CARMIL1: variants seen among roughly 807,000 people sequenced by gnomAD.
CARMIL1 encodes the protein capping protein regulator and myosin 1 linker 1.
Under a neutral mutation model 177.1 loss-of-function variants are expected in CARMIL1, and 90 were observed. The ratio of observed to expected loss-of-function variants is 0.51; its 90% CI spans 0.43 to 0.61. The LOEUF (loss-of-function observed/expected upper bound fraction) is 0.61. Among genes scored for constraint, CARMIL1 ranks in the 20% least tolerant of loss-of-function variants. The pLI, the probability that CARMIL1 is intolerant of heterozygous loss-of-function variation, is 0.00. For missense variants in CARMIL1, 1,380 were observed against 1,667.0 expected (o/e 0.83, Z 3.00); for synonymous variants, 577 against 606.2 (o/e 0.95, Z 0.71).
chr6:25,345,108 A>G (rs1221114502), intron 2 of CARMIL1, among the ~76,000 whole-genome samples: 2 of 152,078 alleles, frequency 1.3e-5, no homozygotes, highest in South Asian at 2.1e-4. Flanking sequence ...CTTCACTGGC[A>G]TTGTGCTTTT....
Position 25,326,583 on chromosome 6 carries a change from C to G in CARMIL1, c.138+41674C>G, listed in dbSNP as rs1785123614. On this transcript the variant is annotated intron_variant, in intron 2 of 36. Coordinates refer to ENST00000329474, the MANE Select transcript of CARMIL1 (RefSeq NM_017640.6). The surrounding 1 kb of genome is among the most constrained non-coding windows in gnomAD (Gnocchi z 4.2). Reference sequence around the variant, plus strand: ...ATGACCTGGAAACCTGTAAGAAATGCATACTTCAAGTCTTATTATGGACTT... The same window carrying G: ...ATGACCTGGAAACCTGTAAGAAATGGATACTTCAAGTCTTATTATGGACTT... 6.6e-6 allele frequency among the ~76,000 whole-genome samples: 1 copy of G among 152,134 alleles called. No individual in the cohort carries two copies. The highest frequency in any genetic ancestry group is 6.5e-5 in the Admixed American group (1 of 15,274).
At chr6:25,380,959 T>C (rs1791467460) in intron 2 of CARMIL1, among the ~76,000 whole-genome samples, 1 of 152,202 alleles carries the variant, frequency 6.6e-6, no homozygotes, top group South Asian at 2.1e-4. Context: ...CTTTCTACTA[T>C]ATGTGTGTTA....
chr6:25,290,901 T>A (rs1581459619), intron 2 of CARMIL1, among the ~76,000 whole-genome samples: 1 of 152,190 alleles, frequency 6.6e-6, no homozygotes, highest in East Asian at 1.9e-4. Flanking sequence ...TCACTTGAAC[T>A]GAGCCTTGCC....
At chr6:25,453,888 T>C (rs1326753049) in intron 8 of CARMIL1, among the ~76,000 whole-genome samples, 2 of 152,188 alleles carry the variant, frequency 1.3e-5, no homozygotes, top group Non-Finnish European at 2.9e-5. Context: ...ACTTACTTTA[T>C]TATGCCATAA....
Position 25,348,096 on chromosome 6 carries a change from T to C in CARMIL1, c.138+63187T>C, listed in dbSNP as rs534567397. 4.6e-5 allele frequency among the ~76,000 whole-genome samples: 7 copies of C among 152,322 alleles called. 1 individual carries two copies. In the South Asian group the frequency reaches 1.5e-3, roughly 32 times the overall value. ...CAATTAAGTTCCTACTGCAGATTTC[T>C]AGTTACAAAAGATCATCAAACTTCT... On this transcript the variant is annotated intron_variant, in intron 2 of 36. Transcript: ENST00000329474.
intron 4 of CARMIL1, among the ~76,000 whole-genome samples, chr6:25,427,088 T>C (rs960823051): frequency 6.6e-6 from 1 of 152,226 alleles, no homozygotes; most frequent in Non-Finnish European, 1.5e-5. Flanking sequence ...GTAGTTTGCA[T>C]TTTAAAAATT....
chr6:25,395,096 AAAAT>A (rs1793252062), intron 2 of CARMIL1, among the ~76,000 whole-genome samples: 1 of 152,240 alleles, frequency 6.6e-6, no homozygotes, highest in South Asian at 2.1e-4. Context: ...AAGTCACAAA[AAAAT>A]GAAAATTAAA....
intron 10 of CARMIL1, among the ~76,000 whole-genome samples, chr6:25,472,121 T>A (rs990936967): frequency 6.9e-6 from 1 of 144,064 alleles, no homozygotes; most frequent in African/African-American, 2.5e-5. Flanking sequence ...CAATCCAGGA[T>A]TTTTTTTTTT....
At chr6:25,586,402 C>G (rs1813693131) in intron 31 of CARMIL1, among the ~76,000 whole-genome samples, 1 of 148,330 alleles carries the variant, frequency 6.7e-6, no homozygotes, top group Non-Finnish European at 1.5e-5. Flanking sequence ...CAATGGGCGG[C>G]CAGGCAGAGA....
chr6:25,580,680 C>T (rs959920900), intron 29 of CARMIL1, among the ~76,000 whole-genome samples: 1 of 152,142 alleles, frequency 6.6e-6, no homozygotes, highest in African/African-American at 2.4e-5. Context: ...TCATTCATTG[C>T]TCTTTTCAGC....
chr6:25,491,820 AAT>A lies in CARMIL1; in HGVS notation c.1143+22_1143+23del, dbSNP rs757429896. On this transcript the variant is annotated intron_variant, in intron 14 of 36. Coordinates refer to ENST00000329474, the MANE Select transcript of CARMIL1 (RefSeq NM_017640.6). ...TGTTCCCTGGACATGGTAAATTTAA[AAT>A]ATATATATATCTTGCTCTGAGGGGT... 1.3e-5 allele frequency: 20 copies of A among 1,562,224 alleles called. No homozygotes were observed. Among genetic ancestry groups the A allele is most frequent in the East Asian group, 2.3e-5 (1 of 43,090 alleles).
At chr6:25,315,045 A>G (rs78036733) in intron 2 of CARMIL1, among the ~76,000 whole-genome samples, 2,038 of 152,236 alleles carry the variant, frequency 0.013, 63 homozygotes, top group East Asian at 0.091. Context: ...TACTATATGT[A>G]TTATCTGTTT....
At chr6:25,559,360 G>A (rs1240077724) in intron 29 of CARMIL1, among the ~76,000 whole-genome samples, 1 of 152,186 alleles carries the variant, frequency 6.6e-6, no homozygotes, top group Non-Finnish European at 1.5e-5. Flanking sequence ...TATTTCAAAG[G>A]GAGGTGCATT....
chr6:25,499,628 T>G (rs1804108590), intron 16 of CARMIL1, among the ~76,000 whole-genome samples: 2 of 152,188 alleles, frequency 1.3e-5, no homozygotes, highest in Non-Finnish European at 2.9e-5. Context: ...TCAAGACATA[T>G]GCCTTGTTTT....
At chr6:25,441,338 T>TATATATATATATATGA (rs397722596) in intron 5 of CARMIL1, among the ~76,000 whole-genome samples, 1 of 17,702 alleles carries the variant, frequency 5.6e-5, no homozygotes, top group Non-Finnish European at 1.4e-4. Context: ...TATATATATA[T>TATATATATATATATGA]GTGTGTGTGT....
chr6:25,310,122 C>T (rs1451486705), intron 2 of CARMIL1, among the ~76,000 whole-genome samples: 1 of 152,120 alleles, frequency 6.6e-6, no homozygotes, highest in Non-Finnish European at 1.5e-5. Flanking sequence ...TTTCCACCTT[C>T]TCACTATGTG....
chr6:25,339,464 C>G (rs1421120453), intron 2 of CARMIL1, among the ~76,000 whole-genome samples: 1 of 152,196 alleles, frequency 6.6e-6, no homozygotes, highest in African/African-American at 2.4e-5. Context: ...CAATCCTTTT[C>G]TGGGCTGATC....
intron 8 of CARMIL1, among the ~76,000 whole-genome samples, chr6:25,457,607 A>G (rs765426901): frequency 6.6e-6 from 1 of 152,250 alleles, no homozygotes; most frequent in Non-Finnish European, 1.5e-5. Flanking sequence ...TTATTCCCAG[A>G]AAGGCTATCG....
chr6:25,585,323 A>C (rs76030849), intron 31 of CARMIL1, among the ~76,000 whole-genome samples: 2,860 of 152,300 alleles, frequency 0.019, 75 homozygotes, highest in African/African-American at 0.059. Flanking sequence ...CAGTAAAATC[A>C]GTTCATCCAA....
Sources: gnomAD v4.1 joint callset for allele counts (sites outside exome capture counted in the v4.1 genomes callset) on GRCh38, gnomAD v4.1.1 for gene constraint, Gnocchi (gnomAD v3.1) non-coding constraint, MANE v1.5 for transcripts, NCBI Gene and HGNC (gene_info 2026-07-23, HGNC 2026-07-21) for gene names.